PREPL: variants seen among roughly 807,000 people sequenced by gnomAD.
PREPL encodes the protein prolyl endopeptidase-like.
Under a neutral mutation model 70.6 loss-of-function variants are expected in PREPL, and 77 were observed. That is an observed-to-expected ratio of 1.09 (90% CI 0.91 to 1.32). PREPL has a LOEUF of 1.32. Among genes scored for constraint, PREPL ranks in the 40% most tolerant of loss-of-function variants. The pLI, the probability that PREPL is intolerant of heterozygous loss-of-function variation, is 0.00. For missense variants in PREPL, 1,002 were observed against 778.2 expected, an observed-to-expected ratio of 1.29 and a Z score of -3.42; for synonymous variants, 315 against 264.8, an observed-to-expected ratio of 1.19 and a Z score of -1.84.
intron 7 of PREPL, among the ~76,000 whole-genome samples, chr2:44,333,142 A>G (rs567580139): frequency 6.6e-6 from 1 of 152,340 alleles, no homozygotes; most frequent in Non-Finnish European, 1.5e-5. Context: ...TTTCAGGGCT[A>G]TAAACGGGCT....
intron 12 of PREPL, 69 bp from the exon 13 acceptor site, chr2:44,321,969 T>G: frequency 6.9e-7 from 1 of 1,450,456 alleles, no homozygotes; most frequent in Non-Finnish European, 9.4e-7. Flanking sequence ...CGAGACCCAT[T>G]CCTCCCCTCT....
At position 44,320,994 on chromosome 2, in the gene PREPL, G is replaced by A; in HGVS notation, c.*362C>T. On this transcript the variant is annotated 3_prime_UTR_variant, in exon 14 of 14. Transcript: ENST00000409411. ...AATTAGAGGATGACTCACTGCCACA[G>A]TGTCTAAAAGCATTTGCTAGCAAAG... 2.6e-6 allele frequency: 1 copy of A among 388,292 alleles called. No homozygotes were observed. The highest frequency in any genetic ancestry group is 4.7e-6 in the Non-Finnish European group (1 of 211,282). 24.1% of individuals were successfully genotyped at this position (388,292 alleles called of 1,614,324 possible). A position where few individuals can be genotyped will look rare whatever the true frequency, so the allele number is the denominator to read the frequency against.
chr2:44,322,722 G>T lies in PREPL; in HGVS notation c.1753+9C>A, dbSNP rs1180677536. On this transcript the variant is annotated intron_variant, in intron 12 of 13. Transcript: ENST00000409411. ...TGGCCATGTTCCCTGCTTCTAGGGGGTCTCCTACCTTCACCTGTGTCCTTA... is the reference window on the plus strand; with the variant it reads ...TGGCCATGTTCCCTGCTTCTAGGGGTTCTCCTACCTTCACCTGTGTCCTTA... The T allele has an allele frequency of 6.2e-7, 1 of 1,611,890 alleles. No homozygotes were observed. Among genetic ancestry groups the T allele is most frequent in the South Asian group, 1.1e-5 (1 of 90,864 alleles).
At chr2:44,322,278 G>A (rs1673049760) in intron 12 of PREPL, among the ~76,000 whole-genome samples, 1 of 152,118 alleles carries the variant, frequency 6.6e-6, no homozygotes, top group South Asian at 2.1e-4. Flanking sequence ...TAGTTTCAAG[G>A]CAAAAGGGAG....
intron 10 of PREPL, among the ~76,000 whole-genome samples, chr2:44,324,504 A>T (rs1168449715): frequency 6.6e-6 from 1 of 152,230 alleles, no homozygotes; most frequent in Non-Finnish European, 1.5e-5. Flanking sequence ...AACGCTAAGT[A>T]AAGAAACTCT....
At chr2:44,335,673 T>C (rs1395914997) in intron 7 of PREPL, among the ~76,000 whole-genome samples, 2 of 151,978 alleles carry the variant, frequency 1.3e-5, no homozygotes, top group Non-Finnish European at 2.9e-5. Context: ...CAAAAGCAAT[T>C]GCAACAAAAA....
At position 44,326,709 on chromosome 2, in the gene PREPL, C is replaced by T; in HGVS notation, c.1479+3G>A. 1.2e-6 allele frequency: 2 copies of T among 1,611,494 alleles called. No individual in the cohort carries two copies. The highest frequency in any genetic ancestry group is 2.2e-5 in the South Asian group (2 of 91,008). The stretch of plus-strand genomic sequence containing the variant: ...ATAAACAGTAGAGACAGAGCGTACT[C>T]ACCTCCAAAGTCACCGCTCTCACCA... On this transcript the variant is annotated splice_donor_region_variant and intron_variant, in intron 10 of 13. Transcript: ENST00000409411.
At chr2:44,355,780 C>T (rs2616451) in intron 1 of PREPL, among the ~76,000 whole-genome samples, 4,961 of 32,544 alleles carry the variant, frequency 0.15, 270 homozygotes, top group African/African-American at 0.29. Context: ...TATATATATA[C>T]ACACACACAC....
At chr2:44,359,732 G>C in intron 1 of PREPL, 5 of 1,546,678 alleles carry the variant, frequency 3.2e-6, no homozygotes, top group Non-Finnish European at 4.5e-6. Flanking sequence ...AAAGTCCCTG[G>C]TTTATGCTCC....
chr2:44,339,019 G>A (rs1674934485), intron 6 of PREPL, 128 bp downstream of exon 6: 2 of 1,410,488 alleles, frequency 1.4e-6, no homozygotes, highest in South Asian at 1.5e-5. Context: ...AAAAGAAATG[G>A]GATTGGTTAT....
chr2:44,327,365 G>C (rs1384891828), intron 9 of PREPL, among the ~76,000 whole-genome samples: 1 of 152,146 alleles, frequency 6.6e-6, no homozygotes, highest in East Asian at 1.9e-4. Flanking sequence ...GGTATTACAG[G>C]AGCAGAGGAA....
At chr2:44,347,801 T>C (rs1278333260) in intron 1 of PREPL, among the ~76,000 whole-genome samples, 4 of 152,194 alleles carry the variant, frequency 2.6e-5, no homozygotes, top group Non-Finnish European at 5.9e-5. Context: ...AATATGTCCA[T>C]GATACTTTAC....
intron 1 of PREPL, among the ~76,000 whole-genome samples, chr2:44,346,963 C>T (rs1675896372): frequency 6.6e-6 from 1 of 151,998 alleles, no homozygotes; most frequent in Non-Finnish European, 1.5e-5. Context: ...TTAAATGGGT[C>T]TGAGAACCAA....
chr2:44,320,501 G>C lies in PREPL; in HGVS notation c.*855C>G. Reference sequence around the variant, plus strand: ...AAGTTGATACAAGTGGCATTTTTCTGGACAAGGGAGAGGGACTCATCTTTG... The same window carrying C: ...AAGTTGATACAAGTGGCATTTTTCTCGACAAGGGAGAGGGACTCATCTTTG... On this transcript the variant is annotated 3_prime_UTR_variant, in exon 14 of 14. Coordinates refer to ENST00000409411, the MANE Select transcript of PREPL (RefSeq NM_001171613.2). 6.2e-7 allele frequency: 1 copy of C among 1,614,140 alleles called. No homozygotes were observed. The highest frequency in any genetic ancestry group is 8.5e-7 in the Non-Finnish European group (1 of 1,179,990).
Position 44,329,065 on chromosome 2 carries a change from C to G in PREPL, c.1134G>C (p.Glu378Asp), listed in dbSNP as rs1236476747. ...CCAAGAGAGGTTTCTTCTGCAAGTC[C>G]TCAGAGTCAGTTTTGTGGAAAACAG... is the stretch of plus-strand genomic sequence containing the variant. The part of the protein sequence containing the change: ...PMTVFHKTDS[E>D]DLQKKPLLVH... Residue 378 changes from glutamate to aspartate, a missense_variant, in exon 9 of 14, where the codon GAG becomes GAC. By Grantham distance (45) the Glu-to-Asp change is conservative (BLOSUM62 2). Coordinates refer to ENST00000409411, the MANE Select transcript of PREPL (RefSeq NM_001171613.2). 6.2e-7 allele frequency: 1 copy of G among 1,611,428 alleles called. No homozygotes were observed. Among genetic ancestry groups the G allele is most frequent in the East Asian group, 2.2e-5 (1 of 44,876 alleles).
intron 9 of PREPL, 98 bp downstream of exon 9, chr2:44,328,839 G>T: frequency 8.1e-7 from 1 of 1,241,420 alleles, no homozygotes; most frequent in South Asian, 1.7e-5. Flanking sequence ...TAATAAGAAT[G>T]AAAAAAATAA....
chr2:44,359,613 C>A, intron 1 of PREPL: 1 of 1,611,264 alleles, frequency 6.2e-7, no homozygotes. Flanking sequence ...TAACAATGAT[C>A]AGCGAAGTTA....
At chr2:44,322,151 C>G (rs1673030750) in intron 12 of PREPL, among the ~76,000 whole-genome samples, 2 of 152,144 alleles carry the variant, frequency 1.3e-5, no homozygotes, top group East Asian at 1.9e-4. Context: ...GGTTGAAACC[C>G]AGGAGATCAT....
intron 11 of PREPL, 152 bp from the exon 12 acceptor site, chr2:44,323,006 G>T: frequency 9.1e-7 from 1 of 1,097,884 alleles, no homozygotes; most frequent in Non-Finnish European, 1.3e-6. Flanking sequence ...CAGTATTACA[G>T]TAGTAGACTA....
Sources: allele counts gnomAD v4.1 joint callset (sites outside exome capture counted in the v4.1 genomes callset), GRCh38; gene constraint gnomAD v4.1.1; transcripts MANE v1.5; gene names NCBI Gene and HGNC (gene_info 2026-07-23, HGNC 2026-07-21).